The following UBE2E2 variants were observed in gnomAD, a reference collection of about 807,000 sequenced individuals.
UBE2E2 encodes the protein ubiquitin-conjugating enzyme E2 E2.
In UBE2E2, 6 loss-of-function variants were observed where a neutral mutation model predicts 24.7. The observed-to-expected ratio is 0.24, with a 90% CI of 0.13 to 0.48. The LOEUF (loss-of-function observed/expected upper bound fraction) is 0.48, where lower values mean the gene tolerates loss of function less well. UBE2E2 is among the 20% of genes least tolerant of loss of function. UBE2E2 has a pLI of 0.99. For missense variants in UBE2E2, 169 were observed against 245.0 expected (o/e 0.69, Z 2.07); for synonymous variants, 104 against 83.6 (o/e 1.24, Z -1.33).
chr3:23,354,016 A>G (rs1465530669), intron 3 of UBE2E2, among the ~76,000 whole-genome samples: 1 of 152,234 alleles, frequency 6.6e-6, no homozygotes, highest in Non-Finnish European at 1.5e-5. Context: ...CCAAAGCAGC[A>G]TGGTACTGGT....
chr3:23,397,114 T>C (rs1575604268), intron 3 of UBE2E2, among the ~76,000 whole-genome samples: 1 of 152,200 alleles, frequency 6.6e-6, no homozygotes, highest in African/African-American at 2.4e-5. Context: ...AATCTTGTCA[T>C]ATATGATCGA....
At chr3:23,401,604 A>G (rs2125371681) in intron 3 of UBE2E2, among the ~76,000 whole-genome samples, 1 of 152,178 alleles carries the variant, frequency 6.6e-6, no homozygotes, top group African/African-American at 2.4e-5. Flanking sequence ...CTCCTGTCCC[A>G]TTCTTCCCTT....
At chr3:23,306,961 A>T (rs1699251225) in intron 3 of UBE2E2, among the ~76,000 whole-genome samples, 1 of 152,210 alleles carries the variant, frequency 6.6e-6, no homozygotes, top group Non-Finnish European at 1.5e-5. Context: ...GAAAATTGAC[A>T]CATTTTCTCA....
chr3:23,253,412 G>C (rs988747047), intron 3 of UBE2E2, among the ~76,000 whole-genome samples: 1 of 152,160 alleles, frequency 6.6e-6, no homozygotes, highest in South Asian at 2.1e-4. Context: ...TTAGTAAACA[G>C]GCATGTGGGA....
intron 3 of UBE2E2, among the ~76,000 whole-genome samples, chr3:23,388,866 G>T (rs1336714432): frequency 6.6e-6 from 1 of 151,920 alleles, no homozygotes. Flanking sequence ...TTAGCTGGGT[G>T]GGGCACATGC....
At chr3:23,258,924 A>AAG (rs1697820348) in intron 3 of UBE2E2, among the ~76,000 whole-genome samples, 6 of 145,378 alleles carry the variant, frequency 4.1e-5, no homozygotes, top group South Asian at 2.2e-4. Context: ...AAAAAAAAAA[A>AAG]GATTCTAACC....
chr3:23,546,355 A>G (rs746278405), intron 5 of UBE2E2, among the ~76,000 whole-genome samples: 27 of 151,434 alleles, frequency 1.8e-4, no homozygotes, highest in Non-Finnish European at 3.4e-4. Flanking sequence ...AACAAACATC[A>G]TTCTTTACTC....
intron 3 of UBE2E2, among the ~76,000 whole-genome samples, chr3:23,349,261 G>A (rs913834790): frequency 1.3e-5 from 2 of 152,206 alleles, no homozygotes; most frequent in African/African-American, 4.8e-5. Context: ...AGCCAAAATG[G>A]CCGAATAGGA....
At chr3:23,422,520 A>G (rs1210988347) in intron 3 of UBE2E2, among the ~76,000 whole-genome samples, 1 of 150,460 alleles carries the variant, frequency 6.6e-6, no homozygotes, top group African/African-American at 2.4e-5. Context: ...GCATATCTGA[A>G]GAATAGATTA....
At chr3:23,374,912 G>A (rs143857751) in intron 3 of UBE2E2, among the ~76,000 whole-genome samples, 2 of 151,982 alleles carry the variant, frequency 1.3e-5, no homozygotes, top group Non-Finnish European at 2.9e-5. Flanking sequence ...GGGATTACAG[G>A]TGCTCACAAA....
intron 3 of UBE2E2, among the ~76,000 whole-genome samples, chr3:23,332,163 T>G (rs774283821): frequency 4.6e-5 from 7 of 152,210 alleles, no homozygotes; most frequent in Non-Finnish European, 7.3e-5. Flanking sequence ...TTTTTTTCTT[T>G]TTGAGATGGG....
chr3:23,459,761 G>A (rs1038705034), intron 3 of UBE2E2, among the ~76,000 whole-genome samples: 2 of 152,176 alleles, frequency 1.3e-5, no homozygotes, highest in Non-Finnish European at 2.9e-5. Context: ...TATTTTGCCT[G>A]TCTTAATTGC....
At chr3:23,241,938 G>T (rs916222620) in intron 3 of UBE2E2, among the ~76,000 whole-genome samples, 2 of 152,086 alleles carry the variant, frequency 1.3e-5, no homozygotes, top group African/African-American at 4.8e-5. Context: ...TAGAGACAAG[G>T]TCTTACTTTC....
At chr3:23,501,790 A>C (rs1009676012) in intron 4 of UBE2E2, among the ~76,000 whole-genome samples, 10 of 152,146 alleles carry the variant, frequency 6.6e-5, no homozygotes, top group African/African-American at 2.2e-4. Context: ...TACCTCTGAG[A>C]CACCACACTT....
chr3:23,332,201 A>C (rs1174861234), intron 3 of UBE2E2, among the ~76,000 whole-genome samples: 1 of 152,092 alleles, frequency 6.6e-6, no homozygotes, highest in South Asian at 2.1e-4. Context: ...AAGAGTACAG[A>C]GTGGCATGAT....
chr3:23,363,643 A>G (rs2125333712), intron 3 of UBE2E2, among the ~76,000 whole-genome samples: 1 of 152,348 alleles, frequency 6.6e-6, no homozygotes, highest in Non-Finnish European at 1.5e-5. Flanking sequence ...ACCCAGACTC[A>G]TAAACAAGTT....
In UBE2E2 at chr3:23,284,199, T is replaced by A. The variant is rs147408887; in HGVS notation, c.227+66887T>A. Among the ~76,000 whole-genome samples, 556 of 152,276 alleles carry A rather than the reference T, an allele frequency of 3.7e-3. 3 individuals carry two copies. The highest frequency in any genetic ancestry group is 0.012 in the African/African-American group (516 of 41,564). On this transcript the variant is annotated intron_variant, in intron 3 of 5. Transcript: ENST00000396703. ...TAATATTTCTATTCTAGATTAGCCA[T>A]GTTGAGGGAAATAAAATTTGGGTAA...
intron 5 of UBE2E2, among the ~76,000 whole-genome samples, chr3:23,537,285 C>T (rs1418363832): frequency 6.6e-6 from 1 of 152,208 alleles, no homozygotes. Flanking sequence ...TCTCTTCAAA[C>T]AGGCAGAACT....
rs898251721 is a variant in UBE2E2, at chr3:23,273,322, G to A, written c.227+56010G>A. ...TGGGAGGCCGAGGTGGGCGGATCAC[G>A]AGGTCAGGAGATCGAGACCATGGTG... On this transcript the variant is annotated intron_variant, in intron 3 of 5. Transcript: ENST00000396703. Among the ~76,000 whole-genome samples, 15 of 152,056 alleles carry A rather than the reference G, an allele frequency of 9.9e-5. No homozygotes were observed. In the South Asian group the frequency reaches 1.7e-3, roughly 17 times the overall value.
Sources: allele counts gnomAD v4.1 joint callset (sites outside exome capture counted in the v4.1 genomes callset), GRCh38; gene constraint gnomAD v4.1.1; transcripts MANE v1.5; gene names NCBI Gene and HGNC (gene_info 2026-07-23, HGNC 2026-07-21).